CLVS1: variants seen among roughly 807,000 people sequenced by gnomAD.
The protein encoded by CLVS1 is clavesin-1.
CLVS1 carries 10 observed loss-of-function variants against 33.1 expected under a neutral mutation model. The ratio of observed to expected loss-of-function variants is 0.30; its 90% CI spans 0.19 to 0.51. CLVS1 has a LOEUF of 0.51. Ranked by LOEUF, CLVS1 falls within the 20% of genes least tolerant of loss-of-function variation. CLVS1 has a pLI of 0.97. For synonymous variants in CLVS1, 163 were observed against 166.1 expected (o/e 0.98, Z 0.14); for missense variants, 343 against 433.4 (o/e 0.79, Z 1.85).
intron 3 of CLVS1, among the ~76,000 whole-genome samples, chr8:61,452,340 C>G (rs1167734610): frequency 6.6e-6 from 1 of 152,208 alleles, no homozygotes; most frequent in African/African-American, 2.4e-5. Context: ...AAATAAACCT[C>G]TTATTGGTCC....
intron 2 of CLVS1, among the ~76,000 whole-genome samples, chr8:61,207,260 G>A (rs979558381): frequency 6.6e-6 from 1 of 152,208 alleles, no homozygotes; most frequent in Non-Finnish European, 1.5e-5. Flanking sequence ...AAGTTCAGAG[G>A]TGCATGGGCT....
chr8:61,124,392 A>G (rs1487084468), intron 1 of CLVS1, among the ~76,000 whole-genome samples: 2 of 152,216 alleles, frequency 1.3e-5, no homozygotes, highest in Non-Finnish European at 2.9e-5. Context: ...ACTTGATTGC[A>G]TTTTTGTGTT....
At chr8:61,403,873 A>G (rs1371298831) in intron 3 of CLVS1, among the ~76,000 whole-genome samples, 1 of 152,238 alleles carries the variant, frequency 6.6e-6, no homozygotes, top group Non-Finnish European at 1.5e-5. Context: ...AGGAAATGGG[A>G]AATGCTGCTT....
At chr8:61,117,078 G>T (rs1485675285) in intron 1 of CLVS1, among the ~76,000 whole-genome samples, 5 of 118,570 alleles carry the variant, frequency 4.2e-5, no homozygotes, top group Admixed American at 2.7e-4. Flanking sequence ...CCTTGAAGAG[G>T]TCCTTCACAT....
At chr8:61,181,012 T>G (rs937749542) in intron 2 of CLVS1, among the ~76,000 whole-genome samples, 2 of 152,104 alleles carry the variant, frequency 1.3e-5, no homozygotes, top group Admixed American at 1.3e-4. Context: ...GAGAAAGAAA[T>G]AAATGTATTT....
intron 1 of CLVS1, among the ~76,000 whole-genome samples, chr8:61,065,714 C>T (rs988458043): frequency 1.3e-5 from 2 of 152,090 alleles, no homozygotes; most frequent in African/African-American, 4.8e-5. Context: ...TCTCAGAAAG[C>T]TAAGTAAGGG....
chr8:61,093,739 C>G (rs1382402569), intron 1 of CLVS1, among the ~76,000 whole-genome samples: 1 of 152,162 alleles, frequency 6.6e-6, no homozygotes. Context: ...TTGGACCCCT[C>G]CCCCCAGCAA....
intron 2 of CLVS1, among the ~76,000 whole-genome samples, chr8:61,237,307 G>C (rs1808588559): frequency 6.6e-6 from 1 of 152,212 alleles, no homozygotes; most frequent in Non-Finnish European, 1.5e-5. Context: ...AGGAGGCCAG[G>C]CATGGTGGTA....
intron 5 of CLVS1, among the ~76,000 whole-genome samples, chr8:61,493,489 A>T (rs1296225854): frequency 6.6e-6 from 1 of 152,198 alleles, no homozygotes; most frequent in African/African-American, 2.4e-5. Flanking sequence ...AGCACCCACG[A>T]TGTGGCCACT....
intron 3 of CLVS1, among the ~76,000 whole-genome samples, chr8:61,405,906 G>A (rs946494913): frequency 6.6e-6 from 1 of 151,998 alleles, no homozygotes; most frequent in African/African-American, 2.4e-5. Context: ...CCTGCAGATG[G>A]CAGACCACAA....
At chr8:61,392,799 C>T (rs1814358600) in intron 3 of CLVS1, among the ~76,000 whole-genome samples, 1 of 151,360 alleles carries the variant, frequency 6.6e-6, no homozygotes, top group African/African-American at 2.4e-5. Flanking sequence ...GCCGAGATTG[C>T]ACCACTGCAC....
chr8:61,242,824 T>C (rs989804824), intron 2 of CLVS1, among the ~76,000 whole-genome samples: 6 of 151,976 alleles, frequency 3.9e-5, no homozygotes, highest in African/African-American at 1.4e-4. Context: ...TAAAACAAAA[T>C]AAAATGTATT....
chr8:61,315,077 C>A (rs990415526), intron 2 of CLVS1, among the ~76,000 whole-genome samples: 5 of 152,126 alleles, frequency 3.3e-5, no homozygotes, highest in Non-Finnish European at 5.9e-5. Context: ...AACGGAAAAC[C>A]TAGGCAGTTT....
At chr8:61,175,367 G>A (rs1366022828) in intron 2 of CLVS1, among the ~76,000 whole-genome samples, 1 of 152,128 alleles carries the variant, frequency 6.6e-6, no homozygotes, top group Non-Finnish European at 1.5e-5. Context: ...CAGGGAACAA[G>A]CCTTCATCAG....
At chr8:61,205,443 C>T (rs566664898) in intron 2 of CLVS1, among the ~76,000 whole-genome samples, 86 of 152,196 alleles carry the variant, frequency 5.7e-4, no homozygotes, top group Non-Finnish European at 1.1e-3. Flanking sequence ...TCAGAATTTC[C>T]TTTCTTTTAA....
At chr8:60,982,814 G>C in the CLVS1 span, among the ~76,000 whole-genome samples, 1 of 152,176 alleles carries the variant, frequency 6.6e-6, no homozygotes, top group African/African-American at 2.4e-5. Flanking sequence ...GCTCATGCCT[G>C]TAATCCCCAG....
upstream of CLVS1, among the ~76,000 whole-genome samples, chr8:61,283,138 CA>C (rs1481556093): frequency 6.6e-6 from 1 of 152,220 alleles, no homozygotes; most frequent in African/African-American, 2.4e-5. Context: ...ATTCTCTCTC[CA>C]ACTTCCATGC....
intron 1 of CLVS1, among the ~76,000 whole-genome samples, chr8:61,068,408 G>GAC (rs1287443012): frequency 6.6e-6 from 1 of 151,924 alleles, no homozygotes. Flanking sequence ...AAGAAGGAGA[G>GAC]ACACACACAG....
At chr8:61,095,555 G>A (rs939909433) in intron 1 of CLVS1, among the ~76,000 whole-genome samples, 2 of 152,196 alleles carry the variant, frequency 1.3e-5, no homozygotes, top group African/African-American at 4.8e-5. Context: ...GCCAACCCCA[G>A]GTAGGCCAGC....
Sources: gnomAD v4.1 joint callset for allele counts (sites outside exome capture counted in the v4.1 genomes callset) on GRCh38, gnomAD v4.1.1 for gene constraint, MANE v1.5 for transcripts, NCBI Gene and HGNC (gene_info 2026-07-23, HGNC 2026-07-21) for gene names.